Variants in SOX5 observed in about 807,000 individuals in gnomAD.
SOX5 encodes transcription factor SOX-5.
SOX5 carries 9 observed loss-of-function variants against 92.0 expected under a neutral mutation model. The observed-to-expected ratio is 0.10, with a 90% CI of 0.06 to 0.17. The LOEUF is 0.17. Ranked by LOEUF, SOX5 falls within the 10% of genes least tolerant of loss-of-function variation. The pLI, the probability that SOX5 is intolerant of heterozygous loss-of-function variation, is 1.00. For missense variants in SOX5, 642 were observed against 944.5 expected, an observed-to-expected ratio of 0.68 and a Z score of 4.20; for synonymous variants, 344 against 336.3, an observed-to-expected ratio of 1.02 and a Z score of -0.25.
intron 3 of SOX5, among the ~76,000 whole-genome samples, chr12:24,248,002 C>A (rs951055988): frequency 2.0e-5 from 3 of 152,094 alleles, no homozygotes; most frequent in Non-Finnish European, 2.9e-5. Context: ...GAGACATTTT[C>A]TTTTAAGCTA....
intron 4 of SOX5, among the ~76,000 whole-genome samples, chr12:24,178,410 G>T (rs1414325991): frequency 6.6e-6 from 1 of 152,158 alleles, no homozygotes; most frequent in African/African-American, 2.4e-5. Context: ...TCAAAGCACT[G>T]CAGTGAGCTG....
chr12:24,292,946 T>C (rs755937112), intron 2 of SOX5, among the ~76,000 whole-genome samples: 5 of 152,192 alleles, frequency 3.3e-5, no homozygotes, highest in African/African-American at 4.8e-5. Context: ...GAGTCGGCTG[T>C]AGGATTATTC....
At chr12:23,723,748 G>T (rs1409235725) in intron 6 of SOX5, among the ~76,000 whole-genome samples, 2 of 151,610 alleles carry the variant, frequency 1.3e-5, no homozygotes, top group Non-Finnish European at 2.9e-5. Context: ...TGTATACACA[G>T]AAATTAATAT....
At chr12:24,543,976 T>C (rs1352520242) in intron 1 of SOX5, among the ~76,000 whole-genome samples, 2 of 152,342 alleles carry the variant, frequency 1.3e-5, no homozygotes, top group African/African-American at 4.8e-5. Context: ...CATATCCTTA[T>C]TAAGACATCT....
Position 23,947,940 on chromosome 12 carries a change from C to T in SOX5, c.38+1624G>A, listed in dbSNP as rs1250769154. Among the ~76,000 whole-genome samples, 3 of 151,852 alleles carry T rather than the reference C, an allele frequency of 2.0e-5. No homozygotes were observed. The East Asian group carries it at 5.8e-4, about 29-fold the overall frequency. On this transcript the variant is annotated intron_variant, in intron 1 of 14. Transcript: ENST00000451604. ...CAAATCAGCCTCAGAGTTGTATTTG[C>T]AAAAAGTATAATTAGAATTAAAGAA...
chr12:23,814,898 A>T (rs2095957397), intron 3 of SOX5, among the ~76,000 whole-genome samples: 1 of 152,178 alleles, frequency 6.6e-6, no homozygotes, highest in East Asian at 1.9e-4. Flanking sequence ...ATGCTGATCA[A>T]CTTTACTCAG....
intron 1 of SOX5, among the ~76,000 whole-genome samples, chr12:24,514,602 G>A (rs943755702): frequency 3.9e-5 from 6 of 152,196 alleles, no homozygotes; most frequent in Non-Finnish European, 5.9e-5. Context: ...ACACGTGCAT[G>A]TATAAGTTCA....
intron 1 of SOX5, among the ~76,000 whole-genome samples, chr12:24,522,595 C>G (rs1360753209): frequency 6.6e-6 from 1 of 152,036 alleles, no homozygotes; most frequent in Non-Finnish European, 1.5e-5. Context: ...TGGCATTTAT[C>G]CCGGGGATGT....
At chr12:24,097,961 C>A (rs894961650) in intron 4 of SOX5, among the ~76,000 whole-genome samples, 27 of 150,008 alleles carry the variant, frequency 1.8e-4, no homozygotes, top group Admixed American at 9.9e-4. Context: ...CAGAGAAGTT[C>A]TGAGAATCTA....
intron 1 of SOX5, among the ~76,000 whole-genome samples, chr12:24,391,340 C>T (rs1056848950): frequency 1.6e-4 from 25 of 152,050 alleles, no homozygotes; most frequent in Non-Finnish European, 2.8e-4. Context: ...CAACTTAGAT[C>T]CTATCACAAA....
chr12:24,042,883 T>C (rs1956653626), intron 4 of SOX5, among the ~76,000 whole-genome samples: 1 of 152,220 alleles, frequency 6.6e-6, no homozygotes. Context: ...TATTTCTCAA[T>C]GATTTCATTT....
rs146481955 is a variant in SOX5, at chr12:23,700,417, C to T, written c.810+34267G>A. ...CTCATTTTTCTCTCTTGAGACTTTT[C>T]ATTTAATTCTCGTAAGAGCAGAAAT... On this transcript the variant is annotated intron_variant, in intron 6 of 14. Coordinates refer to ENST00000451604, the MANE Select transcript of SOX5 (RefSeq NM_006940.6). Among the ~76,000 whole-genome samples the T allele has an allele frequency of 5.7e-3, 871 of 152,224 alleles. 14 individuals are homozygous for T. Among genetic ancestry groups the T allele is most frequent in the African/African-American group, 0.02 (832 of 41,532 alleles).
intron 1 of SOX5, among the ~76,000 whole-genome samples, chr12:24,527,491 G>A (rs544409275): frequency 6.6e-6 from 1 of 152,224 alleles, no homozygotes; most frequent in East Asian, 1.9e-4. Context: ...GCTGGTTTGG[G>A]GCATGGCTTG....
chr12:24,379,409 G>A (rs550702919), intron 1 of SOX5, among the ~76,000 whole-genome samples: 6 of 152,228 alleles, frequency 3.9e-5, no homozygotes, highest in African/African-American at 9.6e-5. Context: ...ACAGTATGAC[G>A]GATAGCATGC....
intron 10 of SOX5, among the ~76,000 whole-genome samples, chr12:23,564,201 G>A (rs774785648): frequency 6.6e-6 from 1 of 152,118 alleles, no homozygotes; most frequent in Non-Finnish European, 1.5e-5. Flanking sequence ...AATAACAGGT[G>A]TAACAACCAA....
chr12:24,464,214 A>ATG (rs1943961877), intron 1 of SOX5, among the ~76,000 whole-genome samples: 1 of 152,174 alleles, frequency 6.6e-6, no homozygotes. Context: ...GCATGTAAGT[A>ATG]TGTGTACACT....
chr12:23,835,181 T>G (rs1232774453), intron 3 of SOX5, among the ~76,000 whole-genome samples: 2 of 151,902 alleles, frequency 1.3e-5, no homozygotes, highest in East Asian at 3.8e-4. Flanking sequence ...GATAGTCGGT[T>G]GCCTTCGATT....
intron 1 of SOX5, among the ~76,000 whole-genome samples, chr12:24,392,280 A>C (rs149667700): frequency 1.3e-4 from 20 of 152,234 alleles, no homozygotes; most frequent in African/African-American, 4.3e-4. Flanking sequence ...AAGCTTTGCA[A>C]AATGTTCATC....
At chr12:23,748,380 C>T (rs1593994378) in intron 4 of SOX5, among the ~76,000 whole-genome samples, 2 of 151,926 alleles carry the variant, frequency 1.3e-5, no homozygotes, top group Non-Finnish European at 2.9e-5. Context: ...AGGAATGACC[C>T]TCATCAGGGT....
Sources: gnomAD v4.1 joint callset for allele counts (sites outside exome capture counted in the v4.1 genomes callset) on GRCh38, gnomAD v4.1.1 for gene constraint, MANE v1.5 for transcripts, NCBI Gene and HGNC (gene_info 2026-07-23, HGNC 2026-07-21) for gene names.